The following FAT3 variants were observed in gnomAD, a reference collection of about 807,000 sequenced individuals.
FAT3 encodes the protein FAT atypical cadherin 3, also known as protocadherin Fat 3.
FAT3 carries 95 observed loss-of-function variants against 310.2 expected under a neutral mutation model. The ratio of observed to expected loss-of-function variants is 0.31; its 90% CI spans 0.26 to 0.36. The LOEUF (loss-of-function observed/expected upper bound fraction) is 0.36, where lower values mean the gene tolerates loss of function less well. Ranked by LOEUF, FAT3 falls within the 10% of genes least tolerant of loss-of-function variation. The pLI is 1.00. For missense variants in FAT3, 5,408 were observed against 5,715.6 expected, an observed-to-expected ratio of 0.95 and a Z score of 1.74; for synonymous variants, 2,314 against 2,192.9, an observed-to-expected ratio of 1.06 and a Z score of -1.54.
At chr11:92,564,728 G>A (rs367725593) in intron 3 of FAT3, among the ~76,000 whole-genome samples, 4 of 151,398 alleles carry the variant, frequency 2.6e-5, no homozygotes, top group South Asian at 2.1e-4. Flanking sequence ...CAGGATTAAG[G>A]AACTCACTCA....
At chr11:92,793,153 A>G (rs151076295) in intron 9 of FAT3, among the ~76,000 whole-genome samples, 176 bp downstream of exon 9, 47 of 152,294 alleles carry the variant, frequency 3.1e-4, no homozygotes, top group African/African-American at 9.1e-4. Flanking sequence ...TTGATGTTTC[A>G]GTAATAGGTT....
chr11:92,812,364 C>T (rs1259722839), intron 13 of FAT3, among the ~76,000 whole-genome samples: 6 of 151,982 alleles, frequency 3.9e-5, no homozygotes, highest in South Asian at 4.2e-4. Flanking sequence ...GGGCGGATCA[C>T]GAGGTCAGGA....
At chr11:92,757,582 C>G (rs1946036996) in intron 4 of FAT3, among the ~76,000 whole-genome samples, 2 of 152,284 alleles carry the variant, frequency 1.3e-5, no homozygotes, top group South Asian at 4.1e-4. Context: ...GTCTGAGAAT[C>G]TGATGGAATG....
intron 3 of FAT3, among the ~76,000 whole-genome samples, chr11:92,608,160 A>G (rs1255854806): frequency 1.3e-5 from 2 of 152,234 alleles, no homozygotes; most frequent in African/African-American, 4.8e-5. Flanking sequence ...TGTATCTGAA[A>G]GAGCTGAGTC....
In FAT3 at chr11:92,800,217, T is replaced by C. The variant is rs760853003; in HGVS notation, c.7204T>C (p.Tyr2402His). 2 of 1,613,994 alleles carry C rather than the reference T, an allele frequency of 1.2e-6. No homozygotes were observed. The highest frequency in any genetic ancestry group is 2.2e-5 in the South Asian group (2 of 91,086). Residue 2402 changes from tyrosine (Y) to histidine (H), a missense_variant, in exon 10 of 28, where the codon TAT becomes CAT. By Grantham distance (83) the Tyr-to-His change is moderately conservative. Coordinates refer to ENST00000525166, the MANE Select transcript of FAT3 (RefSeq NM_001367949.2). ...PVFNQLIYES[Y>H]VSELAPRGHF... ...TTTTAATCAGCTCATTTATGAGTCATATGTGAGTGAATTAGCCCCCCGGGG... is the reference window on the plus strand; with the variant it reads ...TTTTAATCAGCTCATTTATGAGTCACATGTGAGTGAATTAGCCCCCCGGGG...
intron 2 of FAT3, chr11:92,366,709 T>C (rs764812152): frequency 1.1e-5 from 6 of 536,392 alleles, no homozygotes; most frequent in Admixed American, 1.9e-5. Flanking sequence ...CTGCAATCAG[T>C]ACTCATTTCC....
intron 23 of FAT3, 51 bp from the exon 24 acceptor site, chr11:92,882,687 A>G (rs1206585480): frequency 3.9e-6 from 6 of 1,522,354 alleles, no homozygotes; most frequent in South Asian, 3.9e-5. Context: ...CCGTATACCA[A>G]CGTGTGTGCA....
rs547985751 is a variant in FAT3 at position 92,449,700 on chromosome 11, C to G, written c.3293-74934C>G. On this transcript the variant is annotated intron_variant, in intron 2 of 27. Transcript: ENST00000525166. Reference sequence around the variant, plus strand: ...AGTGGAGCTCAAAGTTTAATACAGTCTTTGTACTTATGTACCTTATGCTGA... The same window carrying G: ...AGTGGAGCTCAAAGTTTAATACAGTGTTTGTACTTATGTACCTTATGCTGA... 2.0e-5 allele frequency among the ~76,000 whole-genome samples: 3 copies of G among 152,226 alleles called. No individual in the cohort carries two copies. In the South Asian group the frequency reaches 6.2e-4, roughly 32 times the overall value.
intron 2 of FAT3, among the ~76,000 whole-genome samples, chr11:92,380,398 T>C (rs763600131): frequency 8.5e-5 from 13 of 152,154 alleles, no homozygotes; most frequent in Non-Finnish European, 1.9e-4. Context: ...ACAACAAGAC[T>C]TGGCTGTCAG....
Position 92,801,106 on chromosome 11 carries a change from T to C in FAT3, c.8093T>C (p.Val2698Ala), listed in dbSNP as rs1947334035. ...KHSLIPVYIH[V>A]LPPETFLPSF... ...TCCCTCATTCCTGTCTATATCCACG[T>C]CTTGCCCCCTGAAACGTTCTTGCCA... Residue 2698 changes from valine (V) to alanine (A), a missense_variant, in exon 10 of 28, where the codon GTC (valine) becomes GCC (alanine). Around this residue, in one of 5 missense-constraint regions of FAT3, gnomAD observed 4,588 missense variants for 4,809.8 expected, o/e 0.95. Transcript: ENST00000525166. 6.2e-7 allele frequency: 1 copy of C among 1,613,856 alleles called. No individual in the cohort carries two copies. Among genetic ancestry groups the C allele is most frequent in the Admixed American group, 1.7e-5 (1 of 59,994 alleles).
chr11:92,566,399 ATG>A (rs1423740250), intron 3 of FAT3, among the ~76,000 whole-genome samples: 1 of 152,026 alleles, frequency 6.6e-6, no homozygotes, highest in African/African-American at 2.4e-5. Context: ...ATACAAACAA[ATG>A]GAAGAACATT....
intron 2 of FAT3, among the ~76,000 whole-genome samples, chr11:92,411,951 AC>A: frequency 6.7e-6 from 1 of 148,918 alleles, no homozygotes; most frequent in East Asian, 2.0e-4. Context: ...TTACATTCCA[AC>A]CCTTTCATCA....
rs1945135493 is a variant in FAT3, at chr11:92,730,186, TAA to T, written c.3670-31669_3670-31668del. ...CCCCCATCTCTACAAAAACCTTTAA[TAA>T]TTGGCCAGTCATGGTGGCTCATGCC... On this transcript the variant is annotated intron_variant, in intron 4 of 27. Coordinates refer to ENST00000525166, the MANE Select transcript of FAT3 (RefSeq NM_001367949.2). Among the ~76,000 whole-genome samples the T allele has an allele frequency of 2.0e-5, 3 of 152,052 alleles. No homozygotes were observed. In the South Asian group the frequency reaches 6.3e-4, roughly 32 times the overall value.
At chr11:92,790,710 A>G (rs966329859) in intron 8 of FAT3, among the ~76,000 whole-genome samples, 1 of 152,220 alleles carries the variant, frequency 6.6e-6, no homozygotes, top group Non-Finnish European at 1.5e-5. Context: ...AGAGATCTCA[A>G]TACATGCTCA....
At position 92,353,980 on chromosome 11, in the gene FAT3, T is replaced by G; in HGVS notation, c.1868T>G (p.Phe623Cys). 6.2e-7 allele frequency: 1 copy of G among 1,612,866 alleles called. No individual in the cohort carries two copies. Residue 623 changes from phenylalanine to cysteine, a missense_variant, in exon 2 of 28, where the codon TTC (phenylalanine) becomes TGC (cysteine). Around this residue, in one of 5 missense-constraint regions of FAT3, gnomAD observed 4,588 missense variants for 4,809.8 expected, o/e 0.95. Coordinates refer to ENST00000525166, the MANE Select transcript of FAT3 (RefSeq NM_001367949.2). The stretch of plus-strand genomic sequence containing the variant: ...ATCATTTCTGGAAATGAACTTGGCT[T>G]CTTTTATTTAAACCCAGATTCTGGT... ...YKIISGNELG[F>C]FYLNPDSGVL... is the part of the protein sequence containing the mutation.
intron 3 of FAT3, among the ~76,000 whole-genome samples, chr11:92,557,081 C>T (rs562184095): frequency 1.1e-4 from 16 of 152,032 alleles, no homozygotes; most frequent in Admixed American, 2.6e-4. Flanking sequence ...ATCTTTCTTT[C>T]GCTATCTATT....
At position 92,844,860 on chromosome 11, in the gene FAT3, C is replaced by T. The variant is rs902961917; in HGVS notation, c.11365+128C>T. ...ATTAAATGATCAATTACTGTGTGCCCAAAAGCCATGATAGATGCTGGGGCT... is the reference window on the plus strand; with the variant it reads ...ATTAAATGATCAATTACTGTGTGCCTAAAAGCCATGATAGATGCTGGGGCT... On this transcript the variant is annotated intron_variant, in intron 19 of 27. Transcript: ENST00000525166. 8.6e-6 allele frequency: 10 copies of T among 1,156,568 alleles called. No individual in the cohort carries two copies. In the African/African-American group the frequency reaches 1.4e-4, roughly 16 times the overall value. The allele number at this position is 1,156,568 out of a possible 1,614,324, so 71.6% of individuals were successfully genotyped here.
At position 92,798,394 on chromosome 11, in the gene FAT3, G is replaced by C; in HGVS notation, c.5381G>C (p.Ser1794Thr). The change falls in exon 10 of 28, where the codon AGC (serine) becomes ACC (threonine). Residue 1794 changes from serine (S) to threonine (T), a missense_variant. By Grantham distance (58) the Ser-to-Thr change is moderately conservative. Coordinates refer to ENST00000525166, the MANE Select transcript of FAT3 (RefSeq NM_001367949.2). ...AGCATTGTCAGGAGCTTGGATAACAGCCCACTGGTGATTCGAGCCACAGAT... is the reference window on the plus strand; with the variant it reads ...AGCATTGTCAGGAGCTTGGATAACACCCCACTGGTGATTCGAGCCACAGAT... ...INSIVRSLDN[S>T]PLVIRATDAD... 7 of 1,613,018 alleles carry C rather than the reference G, an allele frequency of 4.3e-6. No homozygotes were observed. The highest frequency in any genetic ancestry group is 5.9e-6 in the Non-Finnish European group (7 of 1,179,706).
At chr11:92,345,679 A>C (rs1948396168) in intron 1 of FAT3, among the ~76,000 whole-genome samples, 1 of 152,214 alleles carries the variant, frequency 6.6e-6, no homozygotes, top group African/African-American at 2.4e-5. Context: ...GTGGCATTTT[A>C]TCTAAACCTT....
Sources: gnomAD v4.1 joint callset for allele counts (sites outside exome capture counted in the v4.1 genomes callset) on GRCh38, gnomAD v4.1.1 for gene constraint, gnomAD v4.1.1 regional missense constraint, MANE v1.5 for transcripts, NCBI Gene and HGNC (gene_info 2026-07-23, HGNC 2026-07-21) for gene names.